Variants in FAR1 observed in about 807,000 individuals in gnomAD.
FAR1 encodes the protein male sterility domain-containing protein 2.
In FAR1, 22 loss-of-function variants were observed where a neutral mutation model predicts 61.1. The ratio of observed to expected loss-of-function variants is 0.36; its 90% CI spans 0.26 to 0.51. FAR1 has a LOEUF of 0.51. Ranked by LOEUF, FAR1 falls within the 20% of genes least tolerant of loss-of-function variation. The probability of loss-of-function intolerance (pLI) is 0.95; values close to 1 mark genes in which losing one functional copy is unlikely to be tolerated. For missense variants in FAR1, 359 were observed against 626.9 expected (o/e 0.57, Z 4.56); for synonymous variants, 206 against 209.7 (o/e 0.98, Z 0.15).
rs200570999 is a variant in FAR1 at position 13,731,435 on chromosome 11, A to G, written c.*2661A>G. 6.6e-6 allele frequency: 1 copy of G among 152,608 alleles called. No individual in the cohort carries two copies. Among genetic ancestry groups the G allele is most frequent in the Non-Finnish European group, 1.5e-5 (1 of 68,016 alleles). 9.5% of individuals were successfully genotyped at this position (152,608 alleles called of 1,614,324 possible). A position where few individuals can be genotyped will look rare whatever the true frequency, so the allele number is the denominator to read the frequency against. ...TTGAGAATCTTTTATAAGAAATAAAAGCATTATTGGGTGCCTTTGTTTGTA... is the reference window on the plus strand; with the variant it reads ...TTGAGAATCTTTTATAAGAAATAAAGGCATTATTGGGTGCCTTTGTTTGTA... On this transcript the variant is annotated 3_prime_UTR_variant, in exon 12 of 12. Coordinates refer to ENST00000354817, the MANE Select transcript of FAR1 (RefSeq NM_032228.6).
chr11:13,714,790 C>A, intron 9 of FAR1, 110 bp downstream of exon 9: 1 of 957,624 alleles, frequency 1.0e-6, no homozygotes, highest in African/African-American at 1.7e-5. Context: ...GGCTTAATAG[C>A]CTTTTGTGAA....
At chr11:13,724,407 A>G (rs866843733) in intron 10 of FAR1, among the ~76,000 whole-genome samples, 1 of 151,844 alleles carries the variant, frequency 6.6e-6, no homozygotes, top group Admixed American at 6.6e-5. Context: ...AAAATTAGCC[A>G]GGCGTGGTGG....
At chr11:13,722,766 C>G (rs964439628) in intron 10 of FAR1, among the ~76,000 whole-genome samples, 5 of 152,016 alleles carry the variant, frequency 3.3e-5, no homozygotes, top group Admixed American at 3.3e-4. Context: ...CGTGAGCCAT[C>G]ACACCCGGCA....
At position 13,708,033 on chromosome 11, in the gene FAR1, G is replaced by T; in HGVS notation, c.499G>T (p.Val167Phe). 3.1e-6 allele frequency: 5 copies of T among 1,608,624 alleles called. No homozygotes were observed. Among genetic ancestry groups the T allele is most frequent in the Non-Finnish European group, 4.2e-6 (5 of 1,177,534 alleles). Reference sequence around the variant, plus strand: ...TAATCGCAAGCATATTGATGAAGTAGTCTATCCACCACCTGTGGATCCCAA... The same window carrying T: ...TAATCGCAAGCATATTGATGAAGTATTCTATCCACCACCTGTGGATCCCAA... ...YCNRKHIDEV[V>F]YPPPVDPKKL... The change falls in exon 4 of 12, where the codon GTC (valine) becomes TTC (phenylalanine). Residue 167 changes from valine to phenylalanine, a missense_variant. By Grantham distance (50) the Val-to-Phe change is conservative. This residue lies in a region of FAR1 where 344 missense variants were observed against 570.3 expected (regional missense o/e 0.60). Transcript: ENST00000354817.
At chr11:13,677,981 A>G (rs1360630877) in intron 1 of FAR1, among the ~76,000 whole-genome samples, 1 of 152,258 alleles carries the variant, frequency 6.6e-6, no homozygotes, top group Non-Finnish European at 1.5e-5. Context: ...ACCTAATGGT[A>G]ATTTAATTAA....
chr11:13,701,191 G>T (rs1235636917), intron 3 of FAR1, among the ~76,000 whole-genome samples: 1 of 151,990 alleles, frequency 6.6e-6, no homozygotes, highest in African/African-American at 2.4e-5. Context: ...AATTAAAATG[G>T]TGTAGACTTG....
intron 3 of FAR1, 55 bp from the exon 4 acceptor site, chr11:13,707,845 A>G (rs1848450615): frequency 7.9e-7 from 1 of 1,263,190 alleles, no homozygotes; most frequent in Admixed American, 2.9e-5. Flanking sequence ...TATTTTTAAC[A>G]GGTAAAATAA....
At chr11:13,702,044 T>A (rs1193236464) in intron 3 of FAR1, among the ~76,000 whole-genome samples, 1 of 152,184 alleles carries the variant, frequency 6.6e-6, no homozygotes, top group Non-Finnish European at 1.5e-5. Context: ...GATGTCTCAG[T>A]TTGACTGTCC....
chr11:13,689,873 C>CTTTTT (rs71041539), intron 1 of FAR1, among the ~76,000 whole-genome samples: 4 of 118,526 alleles, frequency 3.4e-5, no homozygotes, highest in Non-Finnish European at 5.2e-5. Flanking sequence ...TCATTTCGAT[C>CTTTTT]TTTTTTTTTT....
intron 10 of FAR1, among the ~76,000 whole-genome samples, chr11:13,726,229 G>C (rs1848665824): frequency 6.6e-6 from 1 of 151,930 alleles, no homozygotes; most frequent in African/African-American, 2.4e-5. Flanking sequence ...TGCAGCTTAT[G>C]CAATAAATAT....
At chr11:13,702,341 G>A (rs930500861) in intron 3 of FAR1, among the ~76,000 whole-genome samples, 6 of 151,924 alleles carry the variant, frequency 3.9e-5, no homozygotes, top group African/African-American at 1.5e-4. Flanking sequence ...ATGAACATGT[G>A]TTAATCTTCA....
intron 9 of FAR1, among the ~76,000 whole-genome samples, chr11:13,719,179 G>A (rs1004096302): frequency 1.3e-5 from 2 of 152,048 alleles, no homozygotes; most frequent in African/African-American, 4.8e-5. Flanking sequence ...AGGCACCTTT[G>A]GAAATTAATA....
Position 13,707,982 on chromosome 11 carries a change from C to A in FAR1, c.448C>A (p.His150Asn). 1 of 1,609,530 alleles carries A rather than the reference C, an allele frequency of 6.2e-7. No individual in the cohort carries two copies. Among genetic ancestry groups the A allele is most frequent in the Non-Finnish European group, 8.5e-7 (1 of 1,177,646 alleles). The change falls in exon 4 of 12, where the codon CAT becomes AAT. Residue 150 changes from histidine (H) to asparagine (N), a missense_variant. Around this residue, in one of 2 missense-constraint regions of FAR1, gnomAD observed 344 missense variants for 570.3 expected, o/e 0.60. Coordinates refer to ENST00000354817, the MANE Select transcript of FAR1 (RefSeq NM_032228.6). ...AATGAAGAATCTGGAAGTGTTCATG[C>A]ATGTATCAACAGCATATGCCTACTG... is the stretch of plus-strand genomic sequence containing the variant. ...QQMKNLEVFMHVSTAYAYCNR... is the reference protein window; with the variant it reads ...QQMKNLEVFMNVSTAYAYCNR...
At position 13,731,670 on chromosome 11, in the gene FAR1, T is replaced by G. The variant is rs991724984; in HGVS notation, c.*2896T>G. 1 of 152,156 alleles carries G rather than the reference T, an allele frequency of 6.6e-6. No individual in the cohort carries two copies. Among genetic ancestry groups the G allele is most frequent in the African/African-American group, 2.4e-5 (1 of 41,432 alleles). 9.4% of individuals were successfully genotyped at this position (152,156 alleles called of 1,614,324 possible). A position where few individuals can be genotyped will look rare whatever the true frequency, so the allele number is the denominator to read the frequency against. ...CTTACACAGCATTTTAGGGAAAGAA[T>G]ACAGGCAGGATGACACTTTGTGTTA... On this transcript the variant is annotated 3_prime_UTR_variant, in exon 12 of 12. Transcript: ENST00000354817.
At chr11:13,719,684 CA>C (rs1250598732) in intron 9 of FAR1, among the ~76,000 whole-genome samples, 2 of 152,104 alleles carry the variant, frequency 1.3e-5, no homozygotes, top group African/African-American at 4.8e-5. Context: ...AGACATTTGA[CA>C]ACATTTGCAG....
At chr11:13,703,483 A>T (rs1848398747) in intron 3 of FAR1, among the ~76,000 whole-genome samples, 1 of 152,252 alleles carries the variant, frequency 6.6e-6, no homozygotes, top group African/African-American at 2.4e-5. Context: ...TTACTACAAC[A>T]TTAAGCCCAA....
intron 1 of FAR1, among the ~76,000 whole-genome samples, chr11:13,679,946 A>G (rs1054275346): frequency 2.6e-5 from 4 of 152,046 alleles, no homozygotes; most frequent in African/African-American, 7.2e-5. Context: ...CTTGGGGGGA[A>G]GTATTGGGGA....
At position 13,731,348 on chromosome 11, in the gene FAR1, G is replaced by A. The variant is rs111350227; in HGVS notation, c.*2574G>A. On this transcript the variant is annotated 3_prime_UTR_variant, in exon 12 of 12. Transcript: ENST00000354817. ...AAGAATTTCCTTTTCCCCCTTTTTT[G>A]TGTTGTCTATAGGAATTAACTTGGG... 6.6e-6 allele frequency: 1 copy of A among 152,264 alleles called. No homozygotes were observed. Among genetic ancestry groups the A allele is most frequent in the South Asian group, 2.1e-4 (1 of 4,824 alleles). The allele number at this position is 152,264 out of a possible 1,614,324, so 9.4% of individuals were successfully genotyped here.
chr11:13,671,926 GAA>G (rs1464060468), intron 1 of FAR1, among the ~76,000 whole-genome samples: 1 of 152,166 alleles, frequency 6.6e-6, no homozygotes, highest in Non-Finnish European at 1.5e-5. Flanking sequence ...AGTGAAGAAA[GAA>G]AAAGATTAGT....
Sources: gnomAD v4.1 joint callset for allele counts (sites outside exome capture counted in the v4.1 genomes callset) on GRCh38, gnomAD v4.1.1 for gene constraint, gnomAD v4.1.1 regional missense constraint, MANE v1.5 for transcripts, NCBI Gene and HGNC (gene_info 2026-07-23, HGNC 2026-07-21) for gene names.